IL1RAPL2: variants seen among roughly 807,000 people sequenced by gnomAD.
IL1RAPL2 encodes the protein interleukin 1 receptor accessory protein like 2.
IL1RAPL2 carries 3 observed loss-of-function variants against 44.1 expected under a neutral mutation model. The observed-to-expected ratio is 0.07, with a 90% CI of 0.03 to 0.18. The LOEUF (loss-of-function observed/expected upper bound fraction) is 0.18. Ranked by LOEUF, IL1RAPL2 falls within the 10% of genes least tolerant of loss-of-function variation. IL1RAPL2 has a pLI of 1.00. For missense variants in IL1RAPL2, 391 were observed against 496.4 expected (o/e 0.79, Z 2.02); for synonymous variants, 181 against 178.8 (o/e 1.01, Z -0.10).
intron 5 of IL1RAPL2, among the ~76,000 whole-genome samples, chrX:105,346,483 C>G (rs1409182421): frequency 8.9e-6 from 1 of 112,242 alleles, no homozygotes; most frequent in Non-Finnish European, 1.9e-5. Flanking sequence ...CAGAATCTAT[C>G]AGAAAATAAA....
intron 2 of IL1RAPL2, among the ~76,000 whole-genome samples, chrX:105,041,143 A>C (rs1351296496): frequency 9.1e-6 from 1 of 109,542 alleles, no homozygotes; most frequent in African/African-American, 3.3e-5. Flanking sequence ...TGTACCCAGT[A>C]GTCATTCAGG....
At chrX:104,727,851 A>G (rs991806105) in intron 2 of IL1RAPL2, among the ~76,000 whole-genome samples, 2 of 110,539 alleles carry the variant, frequency 1.8e-5, no homozygotes, top group Non-Finnish European at 3.8e-5. Context: ...CTTAAGTGAA[A>G]TAACTCAGAA....
chrX:105,120,865 G>A lies in IL1RAPL2; in HGVS notation c.83-74610G>A, dbSNP rs2032917261. Among the ~76,000 whole-genome samples, 3 of 111,722 alleles carry A rather than the reference G, an allele frequency of 2.7e-5. No homozygotes were observed. In the Admixed American group the frequency reaches 2.9e-4, roughly 11 times the overall value. ...CTCTCACGGATTTGACTTGGAATGG[G>A]TTGTAAGGTGATGTGTTTCCTGCAA... On this transcript the variant is annotated intron_variant, in intron 2 of 10. Coordinates refer to ENST00000372582, the MANE Select transcript of IL1RAPL2 (RefSeq NM_017416.2).
At chrX:105,294,185 A>T (rs1247096080) in intron 5 of IL1RAPL2, among the ~76,000 whole-genome samples, 1 of 111,874 alleles carries the variant, frequency 8.9e-6, no homozygotes, top group Non-Finnish European at 1.9e-5. Flanking sequence ...AAATTTCCTT[A>T]TACTTTTATC....
chrX:104,878,270 CA>C (rs1922963847), intron 2 of IL1RAPL2, among the ~76,000 whole-genome samples: 1 of 111,642 alleles, frequency 9.0e-6, no homozygotes, highest in South Asian at 3.7e-4. Flanking sequence ...TGTGACAATT[CA>C]ATGGTTATCT....
intron 5 of IL1RAPL2, among the ~76,000 whole-genome samples, chrX:105,446,688 G>C (rs5962525): frequency 0.22 from 23,849 of 109,771 alleles, 6,347 homozygotes; most frequent in African/African-American, 0.75. Flanking sequence ...AAATTAATAA[G>C]AAATCCACAC....
intron 2 of IL1RAPL2, among the ~76,000 whole-genome samples, chrX:105,096,568 A>G (rs927478274): frequency 1.8e-5 from 2 of 112,269 alleles, no homozygotes; most frequent in East Asian, 2.8e-4. Context: ...CCTTGAAAAC[A>G]TTATGCTAAG....
At chrX:105,393,412 G>A (rs1199422868) in intron 5 of IL1RAPL2, among the ~76,000 whole-genome samples, 1 of 111,112 alleles carries the variant, frequency 9.0e-6, no homozygotes. Context: ...GAGTAATTGG[G>A]GAAGTTACAA....
intron 2 of IL1RAPL2, among the ~76,000 whole-genome samples, chrX:104,719,617 C>G (rs1341402572): frequency 9.0e-6 from 1 of 111,525 alleles, no homozygotes; most frequent in Non-Finnish European, 1.9e-5. Flanking sequence ...TGAGGTCAAA[C>G]CTATCCAGCT....
intron 8 of IL1RAPL2, among the ~76,000 whole-genome samples, chrX:105,747,430 G>C (rs1372394303): frequency 2.1e-5 from 2 of 94,165 alleles, no homozygotes; most frequent in Non-Finnish European, 4.2e-5. Flanking sequence ...TCCATTCTAT[G>C]ACTCTCCTGA....
At chrX:105,517,748 C>G (rs955067989) in intron 6 of IL1RAPL2, among the ~76,000 whole-genome samples, 10 of 111,507 alleles carry the variant, frequency 9.0e-5, no homozygotes, top group Admixed American at 7.7e-4. Context: ...TTCTCTCATA[C>G]TAGAAAGACA....
chrX:105,590,163 T>G (rs1368424312), intron 6 of IL1RAPL2, among the ~76,000 whole-genome samples: 2 of 111,901 alleles, frequency 1.8e-5, no homozygotes, highest in African/African-American at 6.5e-5. Context: ...TGTTTTGATT[T>G]TGATCTCACC....
In IL1RAPL2 at chrX:105,528,384, A is replaced by G. The variant is rs763457987; in HGVS notation, c.772+43997A>G. On this transcript the variant is annotated intron_variant, in intron 6 of 10. Coordinates refer to ENST00000372582, the MANE Select transcript of IL1RAPL2 (RefSeq NM_017416.2). ...AATTTAGAGCATTTGACTCCAAGCTATTTATCTAGCCATCCAGCCATTCCT... is the reference window on the plus strand; with the variant it reads ...AATTTAGAGCATTTGACTCCAAGCTGTTTATCTAGCCATCCAGCCATTCCT... Among the ~76,000 whole-genome samples the G allele has an allele frequency of 2.7e-5, 3 of 111,894 alleles. No individual in the cohort carries two copies. In the South Asian group the frequency reaches 1.1e-3, roughly 41 times the overall value.
At chrX:105,450,907 AGTGTGT>A (rs747929543) in intron 5 of IL1RAPL2, among the ~76,000 whole-genome samples, 78 of 94,160 alleles carry the variant, frequency 8.3e-4, no homozygotes, top group Middle Eastern at 5.6e-3. Flanking sequence ...CTTAGGTCCG[AGTGTGT>A]GTGTGTGTGT....
intron 2 of IL1RAPL2, among the ~76,000 whole-genome samples, chrX:105,138,705 A>C (rs759758466): frequency 1.5e-4 from 17 of 111,415 alleles, no homozygotes; most frequent in Non-Finnish European, 2.8e-4. Flanking sequence ...CATTTTTAGT[A>C]GTAGCTAAAT....
At chrX:105,218,697 C>G (rs192929175) in intron 3 of IL1RAPL2, among the ~76,000 whole-genome samples, 1 of 109,423 alleles carries the variant, frequency 9.1e-6, no homozygotes, top group Non-Finnish European at 1.9e-5. Context: ...CTCCATGTGT[C>G]TCTCTCTCCC....
intron 2 of IL1RAPL2, among the ~76,000 whole-genome samples, chrX:105,120,267 A>G (rs73527998): frequency 0.045 from 4,887 of 107,717 alleles, 306 homozygotes; most frequent in African/African-American, 0.16. Context: ...ACCCAGGGAG[A>G]AAGGGATTAG....
intron 5 of IL1RAPL2, among the ~76,000 whole-genome samples, chrX:105,446,585 G>A (rs184263635): frequency 5.1e-4 from 56 of 110,037 alleles, no homozygotes; most frequent in Admixed American, 5.9e-4. Flanking sequence ...TTGAGATTAC[G>A]ATGAGGCCTG....
chrX:105,683,979 G>A (rs1178432685), intron 6 of IL1RAPL2, among the ~76,000 whole-genome samples: 1 of 112,193 alleles, frequency 8.9e-6, no homozygotes, highest in Non-Finnish European at 1.9e-5. Context: ...TCAATATTTT[G>A]GCATTCTATC....
Sources: gnomAD v4.1 joint callset for allele counts (sites outside exome capture counted in the v4.1 genomes callset) on GRCh38, gnomAD v4.1.1 for gene constraint, MANE v1.5 for transcripts, NCBI Gene and HGNC (gene_info 2026-07-23, HGNC 2026-07-21) for gene names.